TXN2: variants seen among roughly 807,000 people sequenced by gnomAD.
TXN2 encodes thioredoxin 2, also known as thioredoxin, mitochondrial.
A neutral mutation model predicts 14.6 loss-of-function variants in TXN2; 12 were observed. The observed-to-expected ratio is 0.82, with a 90% confidence interval of 0.53 to 1.33. TXN2 has a LOEUF of 1.33. TXN2 is among the 40% of genes most tolerant of loss of function. The probability of loss-of-function intolerance (pLI) is 0.00; values close to 1 mark genes in which losing one functional copy is unlikely to be tolerated. For missense variants in TXN2, 173 were observed against 207.7 expected, an observed-to-expected ratio of 0.83 and a Z score of 1.03; for synonymous variants, 89 against 81.0, an observed-to-expected ratio of 1.10 and a Z score of -0.53.
At chr22:36,477,534 A>G (rs1437340659) in intron 2 of TXN2, among the ~76,000 whole-genome samples, 2 of 152,224 alleles carry the variant, frequency 1.3e-5, no homozygotes, top group Non-Finnish European at 2.9e-5. Flanking sequence ...CATCTGAAAA[A>G]GAGAGATTAT....
intron 3 of TXN2, among the ~76,000 whole-genome samples, chr22:36,470,499 C>T (rs973501469): frequency 6.6e-6 from 1 of 152,208 alleles, no homozygotes; most frequent in Admixed American, 6.5e-5. Context: ...GCTCAGCCAC[C>T]GGCTCCCACC....
intron 3 of TXN2, among the ~76,000 whole-genome samples, chr22:36,473,035 G>A (rs932250196): frequency 5.3e-5 from 8 of 152,128 alleles, no homozygotes; most frequent in African/African-American, 9.7e-5. Flanking sequence ...GGCCGGGCGC[G>A]GTGGCTCATG....
chr22:36,480,927 G>C (rs1388570497), intron 1 of TXN2, 90 bp from the exon 2 acceptor site: 1 of 1,396,724 alleles, frequency 7.2e-7, no homozygotes, highest in African/African-American at 1.4e-5. Flanking sequence ...GGCTCAGGAA[G>C]AGGCAGAGTT....
intron 3 of TXN2, among the ~76,000 whole-genome samples, chr22:36,474,925 C>A (rs1326618621): frequency 6.6e-6 from 1 of 152,252 alleles, no homozygotes; most frequent in African/African-American, 2.4e-5. Flanking sequence ...CTCCAGGCAC[C>A]TGGCCCCTGC....
rs1300260986 is a variant in TXN2 at position 36,480,659 on chromosome 22, G to T, written c.179C>A (p.Thr60Lys). Residue 60 changes from threonine to lysine, a missense_variant, in exon 2 of 4, where the codon ACA becomes AAA. Thr to Lys is a moderately conservative substitution (Grantham distance 78, BLOSUM62 -1). Coordinates refer to ENST00000216185, the MANE Select transcript of TXN2 (RefSeq NM_012473.4). ...RTIYTTRISLTTFNIQDGPDF... is the reference protein window; with the variant it reads ...RTIYTTRISLKTFNIQDGPDF... ...AGGTCCATCCTGGATATTAAAGGTTGTCAAGGAGATCCTCGTGGTGTATAT... is the reference window on the plus strand; with the variant it reads ...AGGTCCATCCTGGATATTAAAGGTTTTCAAGGAGATCCTCGTGGTGTATAT... 1 of 1,614,068 alleles carries T rather than the reference G, an allele frequency of 6.2e-7. No homozygotes were observed. Among genetic ancestry groups the T allele is most frequent in the Non-Finnish European group, 8.5e-7 (1 of 1,180,048 alleles).
intron 3 of TXN2, among the ~76,000 whole-genome samples, chr22:36,473,421 C>T (rs781520918): frequency 3.3e-5 from 5 of 152,012 alleles, no homozygotes; most frequent in Non-Finnish European, 7.4e-5. Context: ...CCAGCCTGGG[C>T]GACAGAGCGA....
intron 3 of TXN2, among the ~76,000 whole-genome samples, chr22:36,470,850 T>C (rs1461157361): frequency 6.6e-6 from 1 of 151,952 alleles, no homozygotes; most frequent in East Asian, 1.9e-4. Flanking sequence ...CCACACATGC[T>C]TGAACACGCA....
At chr22:36,480,476 CAT>C (rs1933475731) in intron 2 of TXN2, 97 bp downstream of exon 2, 1 of 1,486,962 alleles carries the variant, frequency 6.7e-7, no homozygotes, top group African/African-American at 1.4e-5. Flanking sequence ...ATTGAGTCTA[CAT>C]ATGAGCAGCA....
At chr22:36,472,735 G>A (rs191608185) in intron 3 of TXN2, among the ~76,000 whole-genome samples, 231 of 152,242 alleles carry the variant, frequency 1.5e-3, no homozygotes, top group Non-Finnish European at 2.7e-3. Context: ...GCGGTGGAAC[G>A]GTTCTGTATG....
At chr22:36,475,674 C>T (rs1040354424) in intron 3 of TXN2, among the ~76,000 whole-genome samples, 14 of 152,136 alleles carry the variant, frequency 9.2e-5, no homozygotes, top group Admixed American at 7.9e-4. Context: ...AGTTTGCTGA[C>T]CCTTGATTTA....
chr22:36,468,810 G>C (rs1933212452), intron 3 of TXN2: 2 of 329,354 alleles, frequency 6.1e-6, no homozygotes, highest in Admixed American at 7.4e-5. Flanking sequence ...GGGAGGCTGA[G>C]GTGGGCAGAT....
chr22:36,481,459 C>T, intron 1 of TXN2, 105 bp downstream of exon 1: 2 of 414,624 alleles, frequency 4.8e-6, no homozygotes, highest in Non-Finnish European at 6.8e-6. Flanking sequence ...GGCTCTCCGG[C>T]GAGCTAGATC....
chr22:36,469,782 C>T (rs1445116422), intron 3 of TXN2, among the ~76,000 whole-genome samples: 1 of 152,050 alleles, frequency 6.6e-6, no homozygotes, highest in Non-Finnish European at 1.5e-5. Context: ...ATGGTGAAAC[C>T]CCGTCTCTAC....
At chr22:36,473,698 T>C (rs2145823041) in intron 3 of TXN2, among the ~76,000 whole-genome samples, 1 of 152,248 alleles carries the variant, frequency 6.6e-6, no homozygotes, top group Admixed American at 6.5e-5. Flanking sequence ...CCTTGAGGCC[T>C]TTCTGTGTGA....
At chr22:36,473,389 A>G (rs953592264) in intron 3 of TXN2, among the ~76,000 whole-genome samples, 12 of 152,028 alleles carry the variant, frequency 7.9e-5, no homozygotes, top group Non-Finnish European at 1.6e-4. Flanking sequence ...GTTGCAGTGA[A>G]CCGAGATCGT....
rs59841625 is a variant in TXN2 at position 36,481,011 on chromosome 22, A to G, written c.1-174T>C. The G allele has an allele frequency of 0.1, 67,253 of 649,768 alleles. 4,297 individuals are homozygous for G. The highest frequency in any genetic ancestry group is 0.21 in the African/African-American group (11,335 of 54,122). The allele number at this position is 649,768 out of a possible 1,614,324, so 40.3% of individuals were successfully genotyped here. A position where few individuals can be genotyped will look rare whatever the true frequency, so the allele number is the denominator to read the frequency against. On this transcript the variant is annotated intron_variant, in intron 1 of 3. Transcript: ENST00000216185. ...GAGGAAGCAATGAGAATCAAAGGGA[A>G]GGAACAGCTAGGCAAACCAGAAGGA... is the stretch of plus-strand genomic sequence containing the variant.
At chr22:36,475,055 T>C (rs1240947513) in intron 3 of TXN2, among the ~76,000 whole-genome samples, 1 of 146,534 alleles carries the variant, frequency 6.8e-6, no homozygotes, top group Non-Finnish European at 1.5e-5. Context: ...GGTCAGCTTA[T>C]CAGGGAGATC....
intron 2 of TXN2, among the ~76,000 whole-genome samples, chr22:36,479,062 G>C (rs919333819): frequency 6.6e-6 from 1 of 152,194 alleles, no homozygotes; most frequent in African/African-American, 2.4e-5. Context: ...AGGAGGTAGA[G>C]ACTGCAGTGA....
At chr22:36,479,326 TTC>T (rs767127897) in intron 2 of TXN2, among the ~76,000 whole-genome samples, 2 of 151,408 alleles carry the variant, frequency 1.3e-5, no homozygotes, top group African/African-American at 4.9e-5. Context: ...GCCCTTCAAT[TTC>T]TTTTTCTTTT....
Sources: allele counts gnomAD v4.1 joint callset (sites outside exome capture counted in the v4.1 genomes callset), GRCh38; gene constraint gnomAD v4.1.1; transcripts MANE v1.5; gene names NCBI Gene and HGNC (gene_info 2026-07-23, HGNC 2026-07-21).